TTC17: variants seen among roughly 807,000 people sequenced by gnomAD.
The protein encoded by TTC17 is tetratricopeptide repeat domain 17.
A neutral mutation model predicts 143.8 loss-of-function variants in TTC17; 58 were observed. The ratio of observed to expected loss-of-function variants is 0.40; its 90% confidence interval spans 0.33 to 0.50. The LOEUF is 0.50. TTC17 is among the 20% of genes least tolerant of loss of function. The pLI, the probability that TTC17 is intolerant of heterozygous loss-of-function variation, is 0.49. For missense variants in TTC17, 1,273 were observed against 1,392.5 expected (o/e 0.91, Z 1.37); for synonymous variants, 501 against 497.8 (o/e 1.01, Z -0.09).
intron 1 of TTC17, among the ~76,000 whole-genome samples, chr11:43,365,445 T>C (rs572957774): frequency 6.6e-6 from 1 of 152,122 alleles, no homozygotes; most frequent in Non-Finnish European, 1.5e-5. Context: ...ATTTTTGTAT[T>C]TTTTGTAGAG....
At chr11:43,359,662 C>T (rs1421194238) in intron 1 of TTC17, among the ~76,000 whole-genome samples, 1 of 152,220 alleles carries the variant, frequency 6.6e-6, no homozygotes, top group Non-Finnish European at 1.5e-5. Context: ...CTCAGGTCAG[C>T]AGTGGCTCAT....
chr11:43,364,887 C>T (rs1294856453), intron 1 of TTC17, among the ~76,000 whole-genome samples: 1 of 152,114 alleles, frequency 6.6e-6, no homozygotes, highest in African/African-American at 2.4e-5. Context: ...CTCACCTCAA[C>T]CTCCACCTCC....
intron 21 of TTC17, among the ~76,000 whole-genome samples, chr11:43,451,671 A>G (rs1216780609): frequency 6.6e-6 from 1 of 152,182 alleles, no homozygotes; most frequent in East Asian, 1.9e-4. Flanking sequence ...TCATGAAACA[A>G]AATATTTACC....
intron 16 of TTC17, among the ~76,000 whole-genome samples, chr11:43,419,272 T>G (rs188539621): frequency 6.6e-6 from 1 of 152,254 alleles, no homozygotes; most frequent in African/African-American, 2.4e-5. Context: ...ATATTTGATA[T>G]CTTTTGTCTC....
At chr11:43,397,912 GTGTGTGTGTGTGTGTGTGTGT>G in intron 7 of TTC17, 41 bp from the exon 8 acceptor site, 1 of 760,782 alleles carries the variant, frequency 1.3e-6, no homozygotes, top group Non-Finnish European at 1.8e-6. Context: ...GTGTGTGTGT[GTGTGTGTGTGTGTGTGTGTGT>G]GTGTGTGTGT....
intron 8 of TTC17, 123 bp downstream of exon 8, chr11:43,398,236 A>G: frequency 8.2e-7 from 1 of 1,221,976 alleles, no homozygotes; most frequent in Non-Finnish European, 1.1e-6. Context: ...TCACTACTGC[A>G]AGTCCTATCC....
At chr11:43,367,077 G>A (rs1856373915) in intron 1 of TTC17, among the ~76,000 whole-genome samples, 1 of 152,150 alleles carries the variant, frequency 6.6e-6, no homozygotes, top group Non-Finnish European at 1.5e-5. Context: ...TTAGGTAAAT[G>A]CCACACTAGA....
chr11:43,375,590 T>G (rs969372170), intron 1 of TTC17, among the ~76,000 whole-genome samples: 5 of 152,146 alleles, frequency 3.3e-5, no homozygotes, highest in Admixed American at 6.5e-5. Context: ...CCAAGTGCTA[T>G]TTGGAGAAGA....
In TTC17 at chr11:43,407,186, G is replaced by A. The variant is rs765551652; in HGVS notation, c.1810G>A (p.Gly604Arg). ...NNYTIPEEEI[G>R]SFLFHAINKP... ...CTATACTATCCCAGAAGAAGAAATTGGGTCTTTCTTATTTCATGCTATTAA... is the reference window on the plus strand; with the variant it reads ...CTATACTATCCCAGAAGAAGAAATTAGGTCTTTCTTATTTCATGCTATTAA... The change falls in exon 14 of 24, where the codon GGG becomes AGG. Residue 604 changes from glycine (G) to arginine (R), a missense_variant. By Grantham distance (125) the Gly-to-Arg change is moderately radical. Coordinates refer to ENST00000039989, the MANE Select transcript of TTC17 (RefSeq NM_018259.6). 2 of 1,599,136 alleles carry A rather than the reference G, an allele frequency of 1.3e-6. No homozygotes were observed. Among genetic ancestry groups the A allele is most frequent in the South Asian group, 1.1e-5 (1 of 88,656 alleles).
chr11:43,454,084 T>A (rs1947716411), intron 21 of TTC17, among the ~76,000 whole-genome samples: 1 of 152,150 alleles, frequency 6.6e-6, no homozygotes, highest in Non-Finnish European at 1.5e-5. Flanking sequence ...TCTGAAAATG[T>A]AGGTATAGTA....
chr11:43,383,516 CTAATT>C (rs1195042554), intron 2 of TTC17, among the ~76,000 whole-genome samples: 11 of 150,994 alleles, frequency 7.3e-5, no homozygotes, highest in Non-Finnish European at 7.4e-5. Flanking sequence ...CCACGCCTGG[CTAATT>C]TTTTTTTTTT....
intron 22 of TTC17, chr11:43,490,956 T>C (rs920041319): frequency 3.3e-5 from 5 of 152,086 alleles, no homozygotes; most frequent in African/African-American, 1.2e-4. Context: ...AAATACAGTG[T>C]TTTATCAGCA....
chr11:43,463,080 A>G (rs1180867100), intron 21 of TTC17, among the ~76,000 whole-genome samples: 1 of 151,828 alleles, frequency 6.6e-6, no homozygotes, highest in East Asian at 1.9e-4. Context: ...CACACCCAGG[A>G]ATTTTTGTAT....
chr11:43,400,248 T>C (rs1303317076), intron 9 of TTC17, among the ~76,000 whole-genome samples, 200 bp downstream of exon 9: 8 of 152,150 alleles, frequency 5.3e-5, no homozygotes, highest in African/African-American at 1.4e-4. Context: ...TTTTTCAAAT[T>C]TACATTTTGA....
At chr11:43,455,238 A>G (rs917403712) in intron 21 of TTC17, among the ~76,000 whole-genome samples, 2 of 151,954 alleles carry the variant, frequency 1.3e-5, no homozygotes, top group Non-Finnish European at 2.9e-5. Context: ...AGAACAGACT[A>G]AAACAGTTTT....
intron 21 of TTC17, among the ~76,000 whole-genome samples, chr11:43,487,632 G>A (rs1259560924): frequency 6.6e-6 from 1 of 152,226 alleles, no homozygotes; most frequent in African/African-American, 2.4e-5. Flanking sequence ...CAACCAAGCT[G>A]TCTTTTAGCT....
chr11:43,378,622 T>C (rs749780119), intron 1 of TTC17, among the ~76,000 whole-genome samples: 4 of 152,228 alleles, frequency 2.6e-5, no homozygotes, highest in Non-Finnish European at 5.9e-5. Flanking sequence ...AACATTTTGA[T>C]ATATGTTGTC....
intron 9 of TTC17, among the ~76,000 whole-genome samples, chr11:43,401,044 AC>A (rs1271103240): frequency 6.6e-6 from 1 of 152,222 alleles, no homozygotes; most frequent in Non-Finnish European, 1.5e-5. Context: ...CTTTGGAATT[AC>A]TTACTGCCCA....
chr11:43,384,108 G>A (rs539291187), intron 2 of TTC17, among the ~76,000 whole-genome samples: 2 of 150,604 alleles, frequency 1.3e-5, no homozygotes, highest in African/African-American at 4.9e-5. Flanking sequence ...TAGTACCACC[G>A]CACTCCAGCA....
Sources: gnomAD v4.1 joint callset for allele counts (sites outside exome capture counted in the v4.1 genomes callset) on GRCh38, gnomAD v4.1.1 for gene constraint, MANE v1.5 for transcripts, NCBI Gene and HGNC (gene_info 2026-07-23, HGNC 2026-07-21) for gene names.